EEF2: variants seen among roughly 807,000 people sequenced by gnomAD.
EEF2 encodes the protein eukaryotic translation elongation factor 2.
EEF2 carries 21 observed loss-of-function variants against 85.3 expected under a neutral mutation model. That is an observed-to-expected ratio of 0.25 (90% CI 0.17 to 0.35). The LOEUF is 0.35. Among genes scored for constraint, EEF2 ranks in the 10% least tolerant of loss-of-function variants. The pLI, the probability that EEF2 is intolerant of heterozygous loss-of-function variation, is 1.00. For missense variants in EEF2, 825 were observed against 1,225.3 expected, an observed-to-expected ratio of 0.67 and a Z score of 4.88; for synonymous variants, 723 against 508.8, an observed-to-expected ratio of 1.42 and a Z score of -5.67.
At chr19:3,980,476 A>G (rs1213949117) in intron 9 of EEF2, 38 bp downstream of exon 9, 1 of 1,588,456 alleles carries the variant, frequency 6.3e-7, no homozygotes, top group Non-Finnish European at 8.6e-7. Context: ...AGGGCCCGCA[A>G]CAGTGCCAAG....
Position 3,978,013 on chromosome 19 carries a change from G to A in EEF2, c.1873C>T (p.Arg625Cys), listed in dbSNP as rs754364920. The A allele has an allele frequency of 5.0e-6, 8 of 1,610,824 alleles. No individual in the cohort carries two copies. The highest frequency in any genetic ancestry group is 6.8e-6 in the Non-Finnish European group (8 of 1,178,254). The change falls in exon 12 of 15, where the codon CGT becomes TGT. Residue 625 changes from arginine to cysteine, a missense_variant. Physicochemically the swap from Arg to Cys is radical, Grantham distance 180 (BLOSUM62 -3). Coordinates refer to ENST00000309311, the MANE Select transcript of EEF2 (RefSeq NM_001961.4). ...CGCGCCCGCTGCTTGAGCTCCTGAC[G>A]GGCGGACACCTCGCCTTTATCGATG... ...EDIDKGEVSA[R>C]QELKQRARYL...
In EEF2 at chr19:3,977,973, T is replaced by G. The variant is rs779267368; in HGVS notation, c.1913A>C (p.Lys638Thr). The G allele has an allele frequency of 9.9e-6, 16 of 1,613,238 alleles. No individual in the cohort carries two copies. The highest frequency in any genetic ancestry group is 1.3e-5 in the Non-Finnish European group (15 of 1,179,814). Residue 638 changes from lysine (K) to threonine (T), a missense_variant, in exon 12 of 15, where the codon AAG becomes ACG. By Grantham distance (78) the Lys-to-Thr change is moderately conservative (BLOSUM62 -1). Coordinates refer to ENST00000309311, the MANE Select transcript of EEF2 (RefSeq NM_001961.4). The surrounding 1 kb of genome is among the most constrained non-coding windows in gnomAD (Gnocchi z 5.4). ...GGCCTCAGCCACGTCCCACTCGTAC[T>G]TCTCGGCCAGGTAGCGCGCCCGCTG... ...LKQRARYLAE[K>T]YEWDVAEARK...
chr19:3,983,063 G>A (rs1402129006), intron 3 of EEF2, 45 bp from the exon 4 acceptor site: 1 of 1,611,406 alleles, frequency 6.2e-7, no homozygotes, highest in Admixed American at 1.7e-5. Flanking sequence ...CTCAAGCAAG[G>A]ATGGCCCCCG....
rs1054443938 is a variant in EEF2 at position 3,981,441 on chromosome 19, C to T, written c.909G>A (p.Ala303=). 8.1e-6 allele frequency: 13 copies of T among 1,613,844 alleles called. No homozygotes were observed. Among genetic ancestry groups the T allele is most frequent in the African/African-American group, 4.0e-5 (3 of 74,924 alleles). Residue 303 remains alanine (A), a synonymous_variant, in exon 7 of 15, where the codon GCG becomes GCA. Transcript: ENST00000309311. The part of the protein sequence containing the change: ...ILDPIFKVFD[A]IMNFKKEETA... ...TCTCCTCTTTCTTGAAATTCATGAT[C>T]GCATCAAACACCTACATTCCCCACC...
chr19:3,984,296 G>A lies in EEF2; in HGVS notation c.58C>T (p.Arg20Cys). ...ACGTGGGCGATGACAGACATGTTGC[G>A]GATGTTGGCCTTCTTGTCCATGATG... The part of the protein sequence containing the change: ...RAIMDKKANI[R>C]NMSVIAHVDH... Residue 20 changes from arginine (R) to cysteine (C), a missense_variant, in exon 2 of 15, where the codon CGC becomes TGC. Transcript: ENST00000309311. 1 of 1,614,206 alleles carries A rather than the reference G, an allele frequency of 6.2e-7. No individual in the cohort carries two copies. Among genetic ancestry groups the A allele is most frequent in the Non-Finnish European group, 8.5e-7 (1 of 1,180,026 alleles).
Position 3,982,049 on chromosome 19 carries a change from G to A in EEF2, c.795C>T (p.Tyr265=), listed in dbSNP as rs532385897. ...DMMKKLWGDR[Y]FDPANGKFSK... is the part of the protein sequence containing the mutation. ...TGAACTTGCCGTTGGCTGGGTCAAA[G>A]TACCTGGCAAGGAGAGGCCAAGCCA... is the stretch of plus-strand genomic sequence containing the variant. The change falls in exon 6 of 15, where the codon TAC becomes TAT. Residue 265 remains tyrosine, a synonymous_variant. Coordinates refer to ENST00000309311, the MANE Select transcript of EEF2 (RefSeq NM_001961.4). 2.0e-5 allele frequency: 33 copies of A among 1,614,102 alleles called. No homozygotes were observed. In the Middle Eastern group the frequency reaches 6.6e-4, roughly 32 times the overall value.
In EEF2 at chr19:3,976,505, T is replaced by C. The variant is rs761882254; in HGVS notation, c.*49A>G. 6.4e-7 allele frequency: 1 copy of C among 1,556,072 alleles called. No individual in the cohort carries two copies. Among genetic ancestry groups the C allele is most frequent in the South Asian group, 1.2e-5 (1 of 85,198 alleles). ...GTCTGAGAATTCGAGGACGTGGTGCTGTGGGTGCTGCGAGTCCCCGGGGCG... is the reference window on the plus strand; with the variant it reads ...GTCTGAGAATTCGAGGACGTGGTGCCGTGGGTGCTGCGAGTCCCCGGGGCG... On this transcript the variant is annotated 3_prime_UTR_variant, in exon 15 of 15. Transcript: ENST00000309311.
At chr19:3,981,556 G>A in intron 6 of EEF2, 104 bp from the exon 7 acceptor site, 1 of 1,094,082 alleles carries the variant, frequency 9.1e-7, no homozygotes, top group Non-Finnish European at 1.4e-6. Flanking sequence ...GGGGGACGCA[G>A]CACGGGAGCA....
chr19:3,982,415 C>T lies in EEF2; in HGVS notation c.622G>A (p.Val208Ile). The stretch of plus-strand genomic sequence containing the variant: ...GACCCAAAGCCCACGGTACCGAGGA[C>T]AGGATCGATCTGGAAGTGTGAGAAA... ...GPMGNIMIDP[V>I]LGTVGFGSGL... Residue 208 changes from valine to isoleucine, a missense_variant, in exon 5 of 15, where the codon GTC becomes ATC. Physicochemically the swap from Val to Ile is conservative, Grantham distance 29. Transcript: ENST00000309311. 1 of 1,614,074 alleles carries T rather than the reference C, an allele frequency of 6.2e-7. No homozygotes were observed. Among genetic ancestry groups the T allele is most frequent in the Non-Finnish European group, 8.5e-7 (1 of 1,180,038 alleles).
Position 3,984,444 on chromosome 19 carries a change from G to T in EEF2, c.4-94C>A. On this transcript the variant is annotated intron_variant, in intron 1 of 14. Transcript: ENST00000309311. Reference sequence around the variant, plus strand: ...GTCCAAACGAACCAGCATGCCCAAGGCCAGGAGGGGGTTGGTGCTGGGGTG... The same window carrying T: ...GTCCAAACGAACCAGCATGCCCAAGTCCAGGAGGGGGTTGGTGCTGGGGTG... 5 of 1,374,782 alleles carry T rather than the reference G, an allele frequency of 3.6e-6. No individual in the cohort carries two copies. The South Asian group carries it at 6.3e-5, about 17-fold the overall frequency. The allele number at this position is 1,374,782 out of a possible 1,614,324, so 85.2% of individuals were successfully genotyped here.
Position 3,980,651 on chromosome 19 carries a change from T to C in EEF2, c.1209A>G (p.Pro403=), listed in dbSNP as rs757988055. 5.0e-6 allele frequency: 8 copies of C among 1,614,204 alleles called. No individual in the cohort carries two copies. Among genetic ancestry groups the C allele is most frequent in the African/African-American group, 1.3e-5 (1 of 75,074 alleles). The change falls in exon 9 of 15, where the codon CCA becomes CCG. Residue 403 remains proline (P), a synonymous_variant. Transcript: ENST00000309311. The part of the protein sequence containing the change: ...PLMMYISKMV[P]TSDKGRFYAF... ...CGTAGAACCGACCTTTGTCGGAGGT[T>C]GGCACCATTTTGGAAATATACATCA... is the stretch of plus-strand genomic sequence containing the variant.
At chr19:3,979,675 A>C in intron 10 of EEF2, 133 bp downstream of exon 10, 4 of 1,387,344 alleles carry the variant, frequency 2.9e-6, no homozygotes, top group Non-Finnish European at 3.9e-6. Context: ...ATTTACAGCC[A>C]CAGCCAAGAA....
rs373923484 is a variant in EEF2 at position 3,980,504 on chromosome 19, A to G, written c.1346+10T>C. 3.7e-6 allele frequency: 6 copies of G among 1,608,366 alleles called. No homozygotes were observed. The African/African-American group carries it at 8.0e-5, about 22-fold the overall frequency. Reference sequence around the variant, plus strand: ...GTGCCAAGGGGCCTGCACATCACCCAGCTGCTCACCTCTGGATTGGCTTCA... The same window carrying G: ...GTGCCAAGGGGCCTGCACATCACCCGGCTGCTCACCTCTGGATTGGCTTCA... On this transcript the variant is annotated intron_variant, in intron 9 of 14. Coordinates refer to ENST00000309311, the MANE Select transcript of EEF2 (RefSeq NM_001961.4).
Position 3,982,398 on chromosome 19 carries a change from G to A in EEF2, c.639C>T (p.Gly213=). ...IMIDPVLGTV[G]FGSGLHGWAF... is the part of the protein sequence containing the mutation. ...CCCACCCGTGGAGGCCAGACCCAAA[G>A]CCCACGGTACCGAGGACAGGATCGA... The change falls in exon 5 of 15, where the codon GGC becomes GGT. Residue 213 remains glycine, a synonymous_variant. Transcript: ENST00000309311. 1.2e-6 allele frequency: 2 copies of A among 1,614,142 alleles called. No homozygotes were observed. Among genetic ancestry groups the A allele is most frequent in the Non-Finnish European group, 1.7e-6 (2 of 1,180,044 alleles).
Position 3,985,409 on chromosome 19 carries a change from G to C in EEF2, c.-29C>G, listed in dbSNP as rs754031014. 2 of 1,494,200 alleles carry C rather than the reference G, an allele frequency of 1.3e-6. No individual in the cohort carries two copies. The highest frequency in any genetic ancestry group is 2.7e-5 in the East Asian group (1 of 36,942). 92.6% of individuals were successfully genotyped at this position (1,494,200 alleles called of 1,614,324 possible). A position where few individuals can be genotyped will look rare whatever the true frequency, so the allele number is the denominator to read the frequency against. On this transcript the variant is annotated 5_prime_UTR_variant, in exon 1 of 15. Coordinates refer to ENST00000309311, the MANE Select transcript of EEF2 (RefSeq NM_001961.4). ...GGCGGATGGCGGTGGATTCTCCCAG[G>C]TAGAACCGAAAGAAGCGAGTCGCGC...
chr19:3,980,142 C>A (rs1279321919), intron 9 of EEF2, 76 bp from the exon 10 acceptor site: 13 of 1,541,164 alleles, frequency 8.4e-6, no homozygotes, highest in South Asian at 1.2e-5. Flanking sequence ...CAGGTCCCTC[C>A]CGGAGTTGGT....
chr19:3,984,904 G>A (rs779802659), intron 1 of EEF2: 11 of 170,690 alleles, frequency 6.4e-5, no homozygotes, highest in East Asian at 1.6e-4. Flanking sequence ...AGTGCCTAAG[G>A]TCGACGATTA....
At position 3,976,505 on chromosome 19, in the gene EEF2, T is replaced by G; in HGVS notation, c.*49A>C. ...GTCTGAGAATTCGAGGACGTGGTGC[T>G]GTGGGTGCTGCGAGTCCCCGGGGCG... On this transcript the variant is annotated 3_prime_UTR_variant, in exon 15 of 15. Transcript: ENST00000309311. The G allele has an allele frequency of 6.4e-7, 1 of 1,556,072 alleles. No individual in the cohort carries two copies. The highest frequency in any genetic ancestry group is 1.2e-5 in the South Asian group (1 of 85,198).
At chr19:3,976,768 C>T in intron 14 of EEF2, 21 bp from the exon 15 acceptor site, 3 of 1,522,222 alleles carry the variant, frequency 2.0e-6, no homozygotes, top group East Asian at 4.6e-5. Context: ...AAGCGAGAGG[C>T]TCACTGGGCC....
Sources: allele counts gnomAD v4.1 joint callset, GRCh38; gene constraint gnomAD v4.1.1; non-coding constraint Gnocchi (gnomAD v3.1); transcripts MANE v1.5; gene names NCBI Gene and HGNC (gene_info 2026-07-23, HGNC 2026-07-21).